Variants in PCDH12 observed in about 807,000 individuals in gnomAD.
The protein encoded by PCDH12 is protocadherin-12.
In PCDH12, 45 loss-of-function variants were observed where a neutral mutation model predicts 70.9. The observed-to-expected ratio is 0.63, with a 90% confidence interval of 0.50 to 0.81. PCDH12 has a LOEUF of 0.81. Ranked by LOEUF, PCDH12 falls within the 40% of genes least tolerant of loss-of-function variation. PCDH12 has a pLI of 0.00. For missense variants in PCDH12, 1,370 were observed against 1,491.7 expected (o/e 0.92, Z 1.34); for synonymous variants, 567 against 626.0 (o/e 0.91, Z 1.41).
chr5:141,956,343 T>C lies in PCDH12; in HGVS notation c.1509A>G (p.Pro503=), dbSNP rs766255561. 3 of 1,614,070 alleles carry C rather than the reference T, an allele frequency of 1.9e-6. No homozygotes were observed. Among genetic ancestry groups the C allele is most frequent in the Admixed American group, 3.3e-5 (2 of 60,006 alleles). The change falls in exon 1 of 4, where the codon CCA becomes CCG. Residue 503 remains proline (P), a synonymous_variant. Coordinates refer to ENST00000231484, the MANE Select transcript of PCDH12 (RefSeq NM_016580.4). ...GKVSYRIQDS[P]VAHLVAIDSN... ...AGTCAATAGCTACTAAGTGAGCAAC[T>C]GGGGAGTCCTGGATGCGGTATGAGA...
At chr5:141,950,801 G>C (rs2126921270) in intron 2 of PCDH12, among the ~76,000 whole-genome samples, 1 of 152,292 alleles carries the variant, frequency 6.6e-6, no homozygotes, top group Admixed American at 6.5e-5. Context: ...ATTGCTTCAA[G>C]GGGAAAGGAG....
At position 141,955,320 on chromosome 5, in the gene PCDH12, G is replaced by T; in HGVS notation, c.2532C>A (p.Asp844Glu). The change falls in exon 1 of 4, where the codon GAC becomes GAA. Residue 844 changes from aspartate to glutamate, a missense_variant. Coordinates refer to ENST00000231484, the MANE Select transcript of PCDH12 (RefSeq NM_016580.4). This position sits in a 1 kb window ranked among gnomAD's most constrained non-coding sequence, Gnocchi z 5.5. ...GATGGTTGAAAAGGAGGTTGACCGTGTCTTGCAGCACCTCTCGGCTCTCCG... is the reference window on the plus strand; with the variant it reads ...GATGGTTGAAAAGGAGGTTGACCGTTTCTTGCAGCACCTCTCGGCTCTCCG... Reference protein sequence around the residue: ...APAESREVLQDTVNLLFNHPR... With the variant: ...APAESREVLQETVNLLFNHPR... 6.2e-7 allele frequency: 1 copy of T among 1,614,204 alleles called. No individual in the cohort carries two copies. The highest frequency in any genetic ancestry group is 8.5e-7 in the Non-Finnish European group (1 of 1,180,028).
At position 141,955,702 on chromosome 5, in the gene PCDH12, A is replaced by G. The variant is rs768658215; in HGVS notation, c.2150T>C (p.Leu717Pro). The change falls in exon 1 of 4, where the codon CTG becomes CCG. Residue 717 changes from leucine (L) to proline (P), a missense_variant. Physicochemically the swap from Leu to Pro is moderately conservative, Grantham distance 98. Transcript: ENST00000231484. This position sits in a 1 kb window ranked among gnomAD's most constrained non-coding sequence, Gnocchi z 5.5. ...RKPGALSMSM[L>P]TVICLAVLLG... Reference sequence around the variant, plus strand: ...CAGTACAGCCAGGCAGATCACCGTCAGCATCGACATGCTCAAGGCCCCAGG... The same window carrying G: ...CAGTACAGCCAGGCAGATCACCGTCGGCATCGACATGCTCAAGGCCCCAGG... 1 of 1,614,168 alleles carries G rather than the reference A, an allele frequency of 6.2e-7. No homozygotes were observed. Among genetic ancestry groups the G allele is most frequent in the Non-Finnish European group, 8.5e-7 (1 of 1,180,024 alleles).
Position 141,957,644 on chromosome 5 carries a change from G to C in PCDH12, c.208C>G (p.Gln70Glu), listed in dbSNP as rs1291586523. The C allele has an allele frequency of 6.2e-7, 1 of 1,614,206 alleles. No individual in the cohort carries two copies. Among genetic ancestry groups the C allele is most frequent in the Non-Finnish European group, 8.5e-7 (1 of 1,180,036 alleles). Residue 70 changes from glutamine to glutamate, a missense_variant, in exon 1 of 4, where the codon CAG becomes GAG. Physicochemically the swap from Gln to Glu is conservative, Grantham distance 29. Transcript: ENST00000231484. This position sits in a 1 kb window ranked among gnomAD's most constrained non-coding sequence, Gnocchi z 4.3. ...TGAATGGGGAGCGCCTGAGGCAGCTGCAACACCTGGAAGGCAGCCCCAGCT... is the reference window on the plus strand; with the variant it reads ...TGAATGGGGAGCGCCTGAGGCAGCTCCAACACCTGGAAGGCAGCCCCAGCT... ...RQAGAAFQVLQLPQALPIQVD... is the reference protein window; with the variant it reads ...RQAGAAFQVLELPQALPIQVD...
intron 2 of PCDH12, among the ~76,000 whole-genome samples, chr5:141,950,063 G>C (rs575607260): frequency 6.6e-6 from 1 of 152,314 alleles, no homozygotes; most frequent in African/African-American, 2.4e-5. Flanking sequence ...GCTCAGAACA[G>C]GGCGTGGCAC....
chr5:141,951,310 A>G (rs1753076045), intron 2 of PCDH12, among the ~76,000 whole-genome samples, 183 bp downstream of exon 2: 1 of 152,158 alleles, frequency 6.6e-6, no homozygotes, highest in Non-Finnish European at 1.5e-5. Flanking sequence ...TCCTGTAAAT[A>G]CTATCAATAC....
chr5:141,955,229 G>C lies in PCDH12; in HGVS notation c.2623C>G (p.Pro875Ala). 7 of 1,614,212 alleles carry C rather than the reference G, an allele frequency of 4.3e-6. No individual in the cohort carries two copies. The highest frequency in any genetic ancestry group is 8.5e-7 in the Non-Finnish European group (1 of 1,180,036). The change falls in exon 1 of 4, where the codon CCA (proline) becomes GCA (alanine). Residue 875 changes from proline to alanine, a missense_variant. Coordinates refer to ENST00000231484, the MANE Select transcript of PCDH12 (RefSeq NM_016580.4). This position sits in a 1 kb window ranked among gnomAD's most constrained non-coding sequence, Gnocchi z 5.5. ...GCAACCTTCAGAGGCCTGGAACGTG[G>C]CTGGCCTGTGGCAGGCTGGGGCTCG... is the stretch of plus-strand genomic sequence containing the variant. ...LPEPQPATGQ[P>A]RSRPLKVAGS...
In PCDH12 at chr5:141,956,179, G is replaced by A; in HGVS notation, c.1673C>T (p.Ala558Val). Residue 558 changes from alanine to valine, a missense_variant, in exon 1 of 4, where the codon GCC (alanine) becomes GTC (valine). By Grantham distance (64) the Ala-to-Val change is moderately conservative. Coordinates refer to ENST00000231484, the MANE Select transcript of PCDH12 (RefSeq NM_016580.4). ...SVSVWVSLLD[A>V]NDNAPEVVQP... ...GACCACCTCTGGGGCATTATCATTG[G>A]CATCCAAGAGGCTGACCCACACAGA... 1 of 1,614,170 alleles carries A rather than the reference G, an allele frequency of 6.2e-7. No homozygotes were observed. The highest frequency in any genetic ancestry group is 8.5e-7 in the Non-Finnish European group (1 of 1,180,040).
At chr5:141,949,038 C>T (rs999240053) in intron 3 of PCDH12, among the ~76,000 whole-genome samples, 8 of 126,970 alleles carry the variant, frequency 6.3e-5, no homozygotes, top group Non-Finnish European at 1.3e-4. Flanking sequence ...ACAGGTGAAT[C>T]CCTGTCCCTA....
intron 3 of PCDH12, among the ~76,000 whole-genome samples, chr5:141,947,115 A>C (rs1752955338): frequency 6.6e-6 from 1 of 152,176 alleles, no homozygotes; most frequent in Admixed American, 6.5e-5. Flanking sequence ...AATTTGAACA[A>C]GTTATTCCGA....
chr5:141,953,123 A>G (rs1201866521), intron 1 of PCDH12: 2 of 152,216 alleles, frequency 1.3e-5, no homozygotes, highest in African/African-American at 2.4e-5. Flanking sequence ...GCCAAGCCCT[A>G]TGCTGAGCAC....
At chr5:141,952,049 A>G (rs1753094467) in intron 1 of PCDH12, among the ~76,000 whole-genome samples, 1 of 152,234 alleles carries the variant, frequency 6.6e-6, no homozygotes, top group African/African-American at 2.4e-5. Flanking sequence ...GGTGTCATTG[A>G]ATTATTCATT....
Position 141,945,170 on chromosome 5 carries a change from C to T in PCDH12, c.*211G>A. 8 of 642,252 alleles carry T rather than the reference C, an allele frequency of 1.2e-5. No homozygotes were observed. In the East Asian group the frequency reaches 1.8e-4, roughly 15 times the overall value. 39.8% of individuals were successfully genotyped at this position (642,252 alleles called of 1,614,324 possible). A position where few individuals can be genotyped will look rare whatever the true frequency, so the allele number is the denominator to read the frequency against. The stretch of plus-strand genomic sequence containing the variant: ...TATCTCAGCCACAAACCGTCCCTGT[C>T]CTCCAAAAGACTCAGAGCTGCTTAC... On this transcript the variant is annotated 3_prime_UTR_variant, in exon 4 of 4. Coordinates refer to ENST00000231484, the MANE Select transcript of PCDH12 (RefSeq NM_016580.4).
intron 3 of PCDH12, among the ~76,000 whole-genome samples, chr5:141,946,812 C>A (rs1218568609): frequency 6.6e-6 from 1 of 151,378 alleles, no homozygotes; most frequent in African/African-American, 2.4e-5. Flanking sequence ...AATCCTGTTT[C>A]AAGAAACCAG....
At chr5:141,946,594 C>T (rs1309556908) in intron 3 of PCDH12, among the ~76,000 whole-genome samples, 1 of 152,160 alleles carries the variant, frequency 6.6e-6, no homozygotes, top group African/African-American at 2.4e-5. Flanking sequence ...GCCCCAGATC[C>T]TCAAATCCTC....
At position 141,954,962 on chromosome 5, in the gene PCDH12, C is replaced by A; in HGVS notation, c.2880+10G>T. ...GTGACCAGAGAAAGAGCTGCCCATGCCCCAGGTACCTGAACAGGAGGAGAA... is the reference window on the plus strand; with the variant it reads ...GTGACCAGAGAAAGAGCTGCCCATGACCCAGGTACCTGAACAGGAGGAGAA... On this transcript the variant is annotated intron_variant, in intron 1 of 3. Coordinates refer to ENST00000231484, the MANE Select transcript of PCDH12 (RefSeq NM_016580.4). The A allele has an allele frequency of 6.2e-7, 1 of 1,602,620 alleles. No individual in the cohort carries two copies. The highest frequency in any genetic ancestry group is 8.5e-7 in the Non-Finnish European group (1 of 1,172,798).
chr5:141,952,768 C>A (rs735068), intron 1 of PCDH12: 2 of 152,092 alleles, frequency 1.3e-5, no homozygotes. Flanking sequence ...AGTGTTGTCA[C>A]GATTAAATGG....
At chr5:141,949,296 C>T in intron 3 of PCDH12, 136 bp downstream of exon 3, 1 of 1,482,908 alleles carries the variant, frequency 6.7e-7, no homozygotes, top group Non-Finnish European at 8.9e-7. Flanking sequence ...TGCAAGGGTG[C>T]AAGGGAAGTT....
In PCDH12 at chr5:141,956,676, C is replaced by T; in HGVS notation, c.1176G>A (p.Trp392Ter). 1 of 1,614,232 alleles carries T rather than the reference C, an allele frequency of 6.2e-7. No individual in the cohort carries two copies. Among genetic ancestry groups the T allele is most frequent in the Non-Finnish European group, 8.5e-7 (1 of 1,180,040 alleles). The change falls in exon 1 of 4, where the codon TGG (tryptophan) becomes TGA (stop). Residue 392 changes from tryptophan (W) to a stop codon, truncating the protein, a stop_gained. Transcript: ENST00000231484. LOFTEE classifies it high-confidence loss of function. ...DSGHNGLVHC[W>*]LSQELGHFRL... is the part of the protein sequence containing the mutation. ...TGAAGTGGCCCAGCTCTTGGCTCAG[C>T]CAGCAGTGGACCAAACCATTGTGTC... is the stretch of plus-strand genomic sequence containing the variant.
Sources: gnomAD v4.1 joint callset for allele counts (sites outside exome capture counted in the v4.1 genomes callset) on GRCh38, gnomAD v4.1.1 for gene constraint, Gnocchi (gnomAD v3.1) non-coding constraint, MANE v1.5 for transcripts, NCBI Gene and HGNC (gene_info 2026-07-23, HGNC 2026-07-21) for gene names.